Variants in GDPD4 observed in about 807,000 individuals in gnomAD.
The protein encoded by GDPD4 is glycerophosphodiester phosphodiesterase 6.
A neutral mutation model predicts 67.8 loss-of-function variants in GDPD4; 60 were observed. That is an observed-to-expected ratio of 0.88 (90% CI 0.72 to 1.10). The LOEUF (loss-of-function observed/expected upper bound fraction) is 1.10. Among genes scored for constraint, GDPD4 ranks in the 50% least tolerant of loss-of-function variants. The pLI, the probability that GDPD4 is intolerant of heterozygous loss-of-function variation, is 0.00. For missense variants in GDPD4, 623 were observed against 613.9 expected (o/e 1.01, Z -0.16); for synonymous variants, 212 against 210.9 (o/e 1.00, Z -0.04).
intron 5 of GDPD4, among the ~76,000 whole-genome samples, chr11:77,272,582 C>G (rs2135874996): frequency 1.3e-5 from 2 of 152,184 alleles, no homozygotes; most frequent in South Asian, 4.2e-4. Context: ...TCGAGATAAG[C>G]CTGGCCAATA....
At chr11:77,281,919 T>C (rs905338857) in intron 3 of GDPD4, among the ~76,000 whole-genome samples, 14 of 151,744 alleles carry the variant, frequency 9.2e-5, no homozygotes, top group African/African-American at 3.4e-4. Context: ...TTATTTTTTA[T>C]ACAGGGAAAA....
At chr11:77,281,446 C>T (rs564317655) in intron 3 of GDPD4, among the ~76,000 whole-genome samples, 1 of 152,184 alleles carries the variant, frequency 6.6e-6, no homozygotes, top group Admixed American at 6.5e-5. Flanking sequence ...GGTTACCCTA[C>T]CAAAAAATTC....
chr11:77,232,916 G>T (rs780952572), intron 14 of GDPD4, 109 bp downstream of exon 14: 2 of 906,950 alleles, frequency 2.2e-6, no homozygotes, highest in Non-Finnish European at 3.4e-6. Context: ...ATAGAAGTCT[G>T]TACTCTTAAG....
At chr11:77,259,611 C>T (rs1018794713) in intron 10 of GDPD4, among the ~76,000 whole-genome samples, 15 of 150,946 alleles carry the variant, frequency 9.9e-5, no homozygotes, top group African/African-American at 3.7e-4. Context: ...GCCCAGGCTT[C>T]TTTCCTGCAG....
chr11:77,228,618 C>T (rs959628736), intron 15 of GDPD4, among the ~76,000 whole-genome samples: 4 of 151,640 alleles, frequency 2.6e-5, no homozygotes, highest in African/African-American at 9.7e-5. Flanking sequence ...GTGGAGGCTG[C>T]AGTGAGCCGA....
chr11:77,276,285 T>C, intron 4 of GDPD4, 65 bp from the exon 5 acceptor site: 1 of 1,207,888 alleles, frequency 8.3e-7, no homozygotes, highest in Non-Finnish European at 1.2e-6. Flanking sequence ...CAAAGCACTG[T>C]TCCTATAGCT....
At chr11:77,276,137 C>G (rs1959455753) in intron 5 of GDPD4, 24 bp downstream of exon 5, 3 of 1,588,828 alleles carry the variant, frequency 1.9e-6, no homozygotes, top group Non-Finnish European at 2.6e-6. Context: ...TCTAAGGTTT[C>G]CTATGTGGAC....
In GDPD4 at chr11:77,298,952, G is replaced by A. The variant is rs542695741; in HGVS notation, c.-254+2653C>T. Among the ~76,000 whole-genome samples the A allele has an allele frequency of 2.6e-4, 39 of 151,828 alleles. 2 individuals carry two copies. The highest frequency in any genetic ancestry group is 1.9e-3 in the South Asian group (9 of 4,792). Reference sequence around the variant, plus strand: ...TATGGTTTGTAGGGCATGACTCTAGGGTTAAATAAAACCCATCTGATGAGA... The same window carrying A: ...TATGGTTTGTAGGGCATGACTCTAGAGTTAAATAAAACCCATCTGATGAGA... On this transcript the variant is annotated intron_variant, in intron 1 of 16. Transcript: ENST00000315938.
chr11:77,279,464 G>A lies in GDPD4; in HGVS notation c.54-65C>T, dbSNP rs900216945. Reference sequence around the variant, plus strand: ...AATCAGTAGCATCTGTGTCAAGGATGGGGACAAAACCAGACTAGATAAGGC... The same window carrying A: ...AATCAGTAGCATCTGTGTCAAGGATAGGGACAAAACCAGACTAGATAAGGC... On this transcript the variant is annotated intron_variant, in intron 3 of 16. Transcript: ENST00000315938. The A allele has an allele frequency of 2.5e-5, 25 of 1,008,142 alleles. No homozygotes were observed. The Admixed American group carries it at 4.4e-4, about 18-fold the overall frequency. The allele number at this position is 1,008,142 out of a possible 1,614,324, so 62.4% of individuals were successfully genotyped here.
intron 3 of GDPD4, among the ~76,000 whole-genome samples, chr11:77,280,950 A>C (rs891873290): frequency 6.6e-6 from 1 of 152,206 alleles, no homozygotes; most frequent in East Asian, 1.9e-4. Flanking sequence ...TAAGCTGAGA[A>C]TATACAATGC....
chr11:77,252,028 G>A (rs533566854), intron 11 of GDPD4, among the ~76,000 whole-genome samples: 1 of 147,548 alleles, frequency 6.8e-6, no homozygotes, highest in Non-Finnish European at 1.5e-5. Context: ...CTGCAAGGGT[G>A]TCCATTTGGG....
At chr11:77,236,298 A>G (rs1958567259) in intron 13 of GDPD4, among the ~76,000 whole-genome samples, 1 of 152,040 alleles carries the variant, frequency 6.6e-6, no homozygotes, top group South Asian at 2.1e-4. Flanking sequence ...CTCATCATTT[A>G]CATTAGGTAT....
chr11:77,267,605 A>G (rs997561004), intron 10 of GDPD4, among the ~76,000 whole-genome samples: 3 of 152,124 alleles, frequency 2.0e-5, no homozygotes, highest in Admixed American at 2.0e-4. Flanking sequence ...CTTCAGTGAC[A>G]TATCTACACA....
chr11:77,224,179 C>T (rs1056637308), intron 16 of GDPD4: 15 of 152,192 alleles, frequency 9.9e-5, no homozygotes, highest in African/African-American at 3.6e-4. Context: ...CCTGCTTCTG[C>T]TTGCCCTCCC....
At chr11:77,271,993 T>C (rs181358163) in intron 5 of GDPD4, among the ~76,000 whole-genome samples, 2 of 152,312 alleles carry the variant, frequency 1.3e-5, no homozygotes, top group Non-Finnish European at 2.9e-5. Context: ...AGAAAGAACA[T>C]TGAGACCAAG....
At chr11:77,273,375 T>TCAA (rs541535678) in intron 5 of GDPD4, among the ~76,000 whole-genome samples, 1 of 152,204 alleles carries the variant, frequency 6.6e-6, no homozygotes, top group Non-Finnish European at 1.5e-5. Flanking sequence ...ACCTGAAGAC[T>TCAA]CAACCAAGGT....
At chr11:77,239,190 T>C (rs1490207114) in intron 13 of GDPD4, among the ~76,000 whole-genome samples, 1 of 152,172 alleles carries the variant, frequency 6.6e-6, no homozygotes, top group Non-Finnish European at 1.5e-5. Flanking sequence ...AGAAGGAATA[T>C]ACCAAAATAC....
At chr11:77,281,378 C>T (rs1281528428) in intron 3 of GDPD4, among the ~76,000 whole-genome samples, 2 of 152,060 alleles carry the variant, frequency 1.3e-5, no homozygotes, top group African/African-American at 4.8e-5. Context: ...GCCCTAGGAA[C>T]CCTCGCACAG....
chr11:77,271,344 A>G lies in GDPD4; in HGVS notation c.257T>C (p.Ile86Thr). The change falls in exon 6 of 17, where the codon ATA becomes ACA. Residue 86 changes from isoleucine (I) to threonine (T), a missense_variant. Transcript: ENST00000315938. ...CCACCTTTCTTTCCAGAATTTGCAT[A>G]TAATGAACATTAAAATGACACACAG... ...ILLCVILMFI[I>T]CKFWKERWLV... 6.2e-7 allele frequency: 1 copy of G among 1,614,032 alleles called. No individual in the cohort carries two copies. Among genetic ancestry groups the G allele is most frequent in the Non-Finnish European group, 8.5e-7 (1 of 1,179,842 alleles).
Sources: gnomAD v4.1 joint callset for allele counts (sites outside exome capture counted in the v4.1 genomes callset) on GRCh38, gnomAD v4.1.1 for gene constraint, MANE v1.5 for transcripts, NCBI Gene and HGNC (gene_info 2026-07-23, HGNC 2026-07-21) for gene names.